Variants in PATJ observed in about 807,000 individuals in gnomAD.
The protein encoded by PATJ is inaD-like protein.
PATJ carries 190 observed loss-of-function variants against 224.9 expected under a neutral mutation model. The ratio of observed to expected loss-of-function variants is 0.84; its 90% CI spans 0.75 to 0.95. The LOEUF is 0.95. PATJ is among the 40% of genes least tolerant of loss of function. The probability of loss-of-function intolerance (pLI) is 0.00; values close to 1 mark genes in which losing one functional copy is unlikely to be tolerated. For missense variants in PATJ, 2,121 were observed against 2,270.3 expected (o/e 0.93, Z 1.34); for synonymous variants, 769 against 820.3 (o/e 0.94, Z 1.07).
intron 27 of PATJ, among the ~76,000 whole-genome samples, chr1:61,973,400 G>A (rs549085342): frequency 1.3e-4 from 20 of 152,072 alleles, no homozygotes; most frequent in Non-Finnish European, 2.8e-4. Flanking sequence ...AAGCAGGTAT[G>A]CAGAGAGAAG....
At chr1:62,145,341 T>G (rs1355252129) in intron 41 of PATJ, among the ~76,000 whole-genome samples, 1 of 152,186 alleles carries the variant, frequency 6.6e-6, no homozygotes, top group Non-Finnish European at 1.5e-5. Context: ...GTAAGATGTA[T>G]GCAGTTCATT....
chr1:61,774,856 A>G (rs1265087204), intron 6 of PATJ, among the ~76,000 whole-genome samples: 1 of 152,126 alleles, frequency 6.6e-6, no homozygotes, highest in Non-Finnish European at 1.5e-5. Context: ...GCAGACACAT[A>G]TTTACTGGTC....
chr1:61,911,067 A>G (rs1347413667), intron 25 of PATJ, among the ~76,000 whole-genome samples: 1 of 152,192 alleles, frequency 6.6e-6, no homozygotes, highest in Admixed American at 6.5e-5. Flanking sequence ...TGTTGTGCCC[A>G]TCAAAGGTGA....
chr1:61,961,588 A>G (rs1681289057), intron 27 of PATJ, among the ~76,000 whole-genome samples: 1 of 152,236 alleles, frequency 6.6e-6, no homozygotes, highest in Non-Finnish European at 1.5e-5. Flanking sequence ...CACTTTAGAC[A>G]GGCCTGCTGA....
intron 31 of PATJ, among the ~76,000 whole-genome samples, chr1:62,075,323 A>C (rs1196620731): frequency 6.6e-6 from 1 of 152,224 alleles, no homozygotes; most frequent in East Asian, 1.9e-4. Flanking sequence ...TTTCAATCAG[A>C]AGCTGGCTGA....
At chr1:61,801,424 A>G (rs1652468333) in intron 11 of PATJ, among the ~76,000 whole-genome samples, 199 bp from the exon 12 acceptor site, 1 of 152,122 alleles carries the variant, frequency 6.6e-6, no homozygotes, top group Admixed American at 6.6e-5. Context: ...TTTTTAAGGA[A>G]TTGATTGGTT....
chr1:61,988,149 A>G (rs745681433), intron 27 of PATJ, among the ~76,000 whole-genome samples: 10 of 152,180 alleles, frequency 6.6e-5, no homozygotes, highest in Non-Finnish European at 1.3e-4. Context: ...CCCTGACCCA[A>G]GATCGCACCA....
At chr1:61,898,152 G>GT (rs1251011470) in intron 22 of PATJ, among the ~76,000 whole-genome samples, 1 of 152,176 alleles carries the variant, frequency 6.6e-6, no homozygotes, top group African/African-American at 2.4e-5. Flanking sequence ...ATGAGGAAAG[G>GT]TTGTGAGGTT....
At chr1:62,000,850 C>T (rs1230927472) in intron 28 of PATJ, among the ~76,000 whole-genome samples, 1 of 151,282 alleles carries the variant, frequency 6.6e-6, no homozygotes, top group Non-Finnish European at 1.5e-5. Flanking sequence ...CACATCCTTT[C>T]CAGCACTTGT....
chr1:61,944,224 T>C (rs1678303827), intron 27 of PATJ, among the ~76,000 whole-genome samples: 1 of 152,148 alleles, frequency 6.6e-6, no homozygotes, highest in Non-Finnish European at 1.5e-5. Flanking sequence ...AGAGAATGAC[T>C]TTGACGAATT....
intron 12 of PATJ, among the ~76,000 whole-genome samples, chr1:61,803,304 A>T (rs1294018618): frequency 1.3e-5 from 2 of 152,188 alleles, no homozygotes; most frequent in Non-Finnish European, 2.9e-5. Flanking sequence ...AAGATAAAAC[A>T]TTCAATTTTT....
chr1:61,771,627 G>A lies in PATJ; in HGVS notation c.720+1G>A. Reference sequence around the variant, plus strand: ...AAATGATACAACTCTGCCTGAAACAGTGAGTTGCAAATTTGAAAAAATACT... The same window carrying A: ...AAATGATACAACTCTGCCTGAAACAATGAGTTGCAAATTTGAAAAAATACT... On this transcript the variant is annotated splice_donor_variant, in intron 6 of 43. Coordinates refer to ENST00000642238, the MANE Select transcript of PATJ (RefSeq NM_001350145.3). LOFTEE classifies it high-confidence loss of function. 1 of 1,563,752 alleles carries A rather than the reference G, an allele frequency of 6.4e-7. No individual in the cohort carries two copies. The highest frequency in any genetic ancestry group is 8.6e-7 in the Non-Finnish European group (1 of 1,159,532).
chr1:61,968,780 A>T (rs868842390), intron 27 of PATJ, among the ~76,000 whole-genome samples: 1 of 152,034 alleles, frequency 6.6e-6, no homozygotes, highest in Non-Finnish European at 1.5e-5. Context: ...TCATTGTTCA[A>T]TTCCCACCTA....
intron 22 of PATJ, among the ~76,000 whole-genome samples, chr1:61,892,951 A>G (rs1440037861): frequency 6.6e-6 from 1 of 152,218 alleles, no homozygotes; most frequent in Non-Finnish European, 1.5e-5. Flanking sequence ...ATACTTAGTG[A>G]CAGTGCAAAT....
chr1:61,814,543 TGTGTGC>T (rs74663230), intron 14 of PATJ, among the ~76,000 whole-genome samples: 69 of 138,872 alleles, frequency 5.0e-4, no homozygotes, highest in East Asian at 1.8e-3. Flanking sequence ...TGTGTGTGTG[TGTGTGC>T]GCGCGCGCGC....
intron 14 of PATJ, among the ~76,000 whole-genome samples, chr1:61,819,046 A>T (rs1656737905): frequency 6.6e-6 from 1 of 152,194 alleles, no homozygotes; most frequent in African/African-American, 2.4e-5. Context: ...CATTTGCTCA[A>T]ACCAGAAATT....
At chr1:61,855,683 G>T (rs1663543188) in intron 17 of PATJ, among the ~76,000 whole-genome samples, 1 of 152,014 alleles carries the variant, frequency 6.6e-6, no homozygotes, top group South Asian at 2.1e-4. Context: ...CAAAGTGCTG[G>T]GATTACAGGC....
chr1:62,136,363 A>C (rs1666864877), intron 41 of PATJ, among the ~76,000 whole-genome samples: 1 of 151,742 alleles, frequency 6.6e-6, no homozygotes, highest in African/African-American at 2.4e-5. Context: ...ACACATAAAA[A>C]TCAATATATT....
intron 8 of PATJ, among the ~76,000 whole-genome samples, chr1:61,789,416 T>A (rs1395710246): frequency 6.6e-6 from 1 of 152,168 alleles, no homozygotes; most frequent in Non-Finnish European, 1.5e-5. Context: ...CCACTGATTA[T>A]CATCACCTGA....
Sources: gnomAD v4.1 joint callset for allele counts (sites outside exome capture counted in the v4.1 genomes callset) on GRCh38, gnomAD v4.1.1 for gene constraint, MANE v1.5 for transcripts, NCBI Gene and HGNC (gene_info 2026-07-23, HGNC 2026-07-21) for gene names.